Variants in CDK1 observed in about 807,000 individuals in gnomAD.
The protein encoded by CDK1 is cyclin dependent kinase 1, also known as cyclin-dependent kinase 1.
In CDK1, 5 loss-of-function variants were observed where a neutral mutation model predicts 34.6. The observed-to-expected ratio is 0.14, with a 90% CI of 0.08 to 0.30. The LOEUF (loss-of-function observed/expected upper bound fraction) is 0.30. Ranked by LOEUF, CDK1 falls within the 10% of genes least tolerant of loss-of-function variation. CDK1 has a pLI of 1.00. For synonymous variants in CDK1, 108 were observed against 114.7 expected, an observed-to-expected ratio of 0.94 and a Z score of 0.37; for missense variants, 157 against 345.7, an observed-to-expected ratio of 0.45 and a Z score of 4.33.
chr10:60,788,632 G>A (rs3213056), intron 5 of CDK1, among the ~76,000 whole-genome samples: 5,489 of 152,098 alleles, frequency 0.036, 144 homozygotes, highest in Middle Eastern at 0.054. Flanking sequence ...AACCCTCCCT[G>A]ATTATAGTCA....
intron 2 of CDK1, among the ~76,000 whole-genome samples, chr10:60,781,009 T>A (rs1396510970): frequency 2.0e-5 from 3 of 152,210 alleles, no homozygotes; most frequent in African/African-American, 7.2e-5. Context: ...AGTGACAAGT[T>A]AGTGTGGTGT....
At position 60,780,952 on chromosome 10, in the gene CDK1, A is replaced by G. The variant is rs1305356204; in HGVS notation, c.37+750A>G. Among the ~76,000 whole-genome samples the G allele has an allele frequency of 7.9e-5, 12 of 152,294 alleles. No homozygotes were observed. The East Asian group carries it at 2.1e-3, about 27-fold the overall frequency. On this transcript the variant is annotated intron_variant, in intron 2 of 7. Transcript: ENST00000395284. ...GATCAAAGACCCCACTTGACAAGAAATAGTGAAAAACAAGGGGGAATACTG... is the reference window on the plus strand; with the variant it reads ...GATCAAAGACCCCACTTGACAAGAAGTAGTGAAAAACAAGGGGGAATACTG...
chr10:60,787,330 T>G (rs2080324840), intron 4 of CDK1, among the ~76,000 whole-genome samples: 1 of 152,116 alleles, frequency 6.6e-6, no homozygotes, highest in Non-Finnish European at 1.5e-5. Flanking sequence ...TTTGGTAGGT[T>G]AGGTGTGTTC....
At chr10:60,784,102 A>C (rs1346852705) in intron 2 of CDK1, among the ~76,000 whole-genome samples, 1 of 152,240 alleles carries the variant, frequency 6.6e-6, no homozygotes, top group African/African-American at 2.4e-5. Context: ...ACAGAAGGTT[A>C]ATTTTAATTT....
At chr10:60,782,445 G>T (rs989814677) in intron 2 of CDK1, among the ~76,000 whole-genome samples, 2 of 152,064 alleles carry the variant, frequency 1.3e-5, no homozygotes, top group Non-Finnish European at 2.9e-5. Flanking sequence ...ACAGAAATCT[G>T]AGTGTTGTGA....
rs113107747 is a variant in CDK1 at position 60,779,387 on chromosome 10, C to CT, written c.-25-744dup. 1.1e-4 allele frequency among the ~76,000 whole-genome samples: 17 copies of CT among 148,254 alleles called. No homozygotes were observed. In the East Asian group the frequency reaches 1.2e-3, roughly 10 times the overall value. The stretch of plus-strand genomic sequence containing the variant: ...GAAGTCTTGAACTTCTGGTTGTCAG[C>CT]TTTTTTTTTTAACCCATTCATTGTG... On this transcript the variant is annotated intron_variant, in intron 1 of 7. Transcript: ENST00000395284.
chr10:60,786,694 C>T, intron 4 of CDK1: 1 of 211,066 alleles, frequency 4.7e-6, no homozygotes, highest in Non-Finnish European at 8.2e-6. Context: ...GTGTGTAATA[C>T]TTATTGTTTT....
rs750432624 is a variant in CDK1, at chr10:60,785,645, A to T, written c.195-19A>T. The T allele has an allele frequency of 1.3e-6, 2 of 1,503,028 alleles. No individual in the cohort carries two copies. The highest frequency in any genetic ancestry group is 9.1e-7 in the Non-Finnish European group (1 of 1,095,132). 93.1% of individuals were successfully genotyped at this position (1,503,028 alleles called of 1,614,324 possible). On this transcript the variant is annotated intron_variant, in intron 3 of 7. Coordinates refer to ENST00000395284, the MANE Select transcript of CDK1 (RefSeq NM_001786.5). ...AAAATGTTTGCTGGATTCTTCTCTC[A>T]TATATTTTTTTTCCCCAGTCTTCAG...
Position 60,788,075 on chromosome 10 carries a change from A to G in CDK1, c.334A>G (p.Ile112Val). Residue 112 changes from isoleucine to valine, a missense_variant, in exon 5 of 8, where the codon ATC becomes GTC. By Grantham distance (29) the Ile-to-Val change is conservative (BLOSUM62 3). Around this residue, in one of 3 missense-constraint regions of CDK1, gnomAD observed 102 missense variants for 233.6 expected, o/e 0.44. Transcript: ENST00000395284. ...CTTTTTCCAGAGTTATTTATACCAA[A>G]TCCTACAGGGGATTGTGTTTTGTCA... ...SSLVKSYLYQ[I>V]LQGIVFCHSR... The G allele has an allele frequency of 2.0e-6, 3 of 1,499,730 alleles. No individual in the cohort carries two copies. The highest frequency in any genetic ancestry group is 1.5e-5 in the South Asian group (1 of 68,756). The allele number at this position is 1,499,730 out of a possible 1,614,324, so 92.9% of individuals were successfully genotyped here. A position where few individuals can be genotyped will look rare whatever the true frequency, so the allele number is the denominator to read the frequency against.
At chr10:60,781,993 G>A (rs1178250512) in intron 2 of CDK1, among the ~76,000 whole-genome samples, 1 of 152,158 alleles carries the variant, frequency 6.6e-6, no homozygotes, top group Non-Finnish European at 1.5e-5. Flanking sequence ...ATGCCTGATT[G>A]TTTTGGATTA....
intron 5 of CDK1, among the ~76,000 whole-genome samples, chr10:60,789,409 T>A (rs114589438): frequency 1.6e-3 from 248 of 152,350 alleles, no homozygotes; most frequent in African/African-American, 5.7e-3. Flanking sequence ...AAGCCCTGAA[T>A]AACCACTATT....
chr10:60,781,411 CAG>C (rs1278650688), intron 2 of CDK1, among the ~76,000 whole-genome samples: 1 of 152,156 alleles, frequency 6.6e-6, no homozygotes, highest in Non-Finnish European at 1.5e-5. Context: ...AGCAGTGTGA[CAG>C]TGGTAAACCC....
Position 60,792,141 on chromosome 10 carries a change from T to G in CDK1, c.654-7T>G. The G allele has an allele frequency of 1.2e-6, 2 of 1,602,888 alleles. No homozygotes were observed. The highest frequency in any genetic ancestry group is 8.5e-7 in the Non-Finnish European group (1 of 1,176,192). ...CTTTAAGAAATTTTTAATTTCCTGT[T>G]TTTTAGAGCTTTGGGCACTCCCAAT... On this transcript the variant is annotated splice_polypyrimidine_tract_variant and splice_region_variant and intron_variant, in intron 6 of 7. Transcript: ENST00000395284.
At chr10:60,791,128 C>A (rs959364011) in intron 5 of CDK1, among the ~76,000 whole-genome samples, 15 of 151,908 alleles carry the variant, frequency 9.9e-5, no homozygotes, top group African/African-American at 3.6e-4. Context: ...GTAATATGGT[C>A]ATTTTTATAT....
At chr10:60,791,266 G>A (rs935021436) in intron 5 of CDK1, among the ~76,000 whole-genome samples, 29 of 151,734 alleles carry the variant, frequency 1.9e-4, no homozygotes, top group Admixed American at 2.6e-4. Context: ...TAGGTTTTTT[G>A]TACCTATTGT....
At chr10:60,788,253 A>T (rs2080332082) in intron 5 of CDK1, 23 bp downstream of exon 5, 1 of 1,496,230 alleles carries the variant, frequency 6.7e-7, no homozygotes, top group Non-Finnish European at 9.0e-7. Context: ...GTGGTTTTTG[A>T]TGGCTTTTGA....
intron 4 of CDK1, chr10:60,786,084 A>ATTAGTGCC: frequency 9.7e-7 from 1 of 1,028,754 alleles, no homozygotes; most frequent in Non-Finnish European, 1.2e-6. Flanking sequence ...AAACAAAGTA[A>ATTAGTGCC]TGAAAGCCTA....
chr10:60,779,545 T>A (rs1363642280), intron 1 of CDK1, among the ~76,000 whole-genome samples: 4 of 152,170 alleles, frequency 2.6e-5, no homozygotes, highest in Non-Finnish European at 5.9e-5. Flanking sequence ...TTGGAAAAAG[T>A]ACCTTGAAAG....
intron 5 of CDK1, among the ~76,000 whole-genome samples, chr10:60,789,203 C>G (rs1016741376): frequency 2.6e-5 from 4 of 152,118 alleles, no homozygotes; most frequent in Admixed American, 6.5e-5. Context: ...GGGTAGTTAG[C>G]ATATCCATTG....
Sources: allele counts gnomAD v4.1 joint callset (sites outside exome capture counted in the v4.1 genomes callset), GRCh38; gene constraint gnomAD v4.1.1; regional missense constraint gnomAD v4.1.1; transcripts MANE v1.5; gene names NCBI Gene and HGNC (gene_info 2026-07-23, HGNC 2026-07-21).